The following PRDM10 variants were observed in gnomAD, a reference collection of about 807,000 sequenced individuals.
The protein encoded by PRDM10 is PR/SET domain 10, also known as PR domain zinc finger protein 10.
A neutral mutation model predicts 133.1 loss-of-function variants in PRDM10; 65 were observed. That is an observed-to-expected ratio of 0.49 (90% CI 0.40 to 0.60). The LOEUF (loss-of-function observed/expected upper bound fraction) is 0.60. Ranked by LOEUF, PRDM10 falls within the 20% of genes least tolerant of loss-of-function variation. The pLI, the probability that PRDM10 is intolerant of heterozygous loss-of-function variation, is 0.00. For missense variants in PRDM10, 1,137 were observed against 1,507.1 expected, an observed-to-expected ratio of 0.75 and a Z score of 4.07; for synonymous variants, 582 against 580.4, an observed-to-expected ratio of 1.00 and a Z score of -0.04.
chr11:129,947,413 C>G lies in PRDM10; in HGVS notation c.295-43G>C, dbSNP rs1951456065. 1 of 1,607,632 alleles carries G rather than the reference C, an allele frequency of 6.2e-7. No homozygotes were observed. Among genetic ancestry groups the G allele is most frequent in the Non-Finnish European group, 8.5e-7 (1 of 1,174,704 alleles). On this transcript the variant is annotated intron_variant, in intron 4 of 20. Coordinates refer to ENST00000360871, the MANE Select transcript of PRDM10 (RefSeq NM_199437.2). The surrounding 1 kb of genome is among the most constrained non-coding windows in gnomAD (Gnocchi z 4.6). ...GCACAGAGTAAGCAGACATGGACAC[C>G]TGCTTTTGGTTCGCTGGTGCCTGCT...
At chr11:129,916,044 T>C (rs1950346816) in intron 15 of PRDM10, among the ~76,000 whole-genome samples, 184 bp from the exon 16 acceptor site, 1 of 152,154 alleles carries the variant, frequency 6.6e-6, no homozygotes. Context: ...TAGAATAAAA[T>C]AAGAACATAA....
rs1949813265 is a variant in PRDM10, at chr11:129,900,383, G to A, written c.*1930C>T. On this transcript the variant is annotated 3_prime_UTR_variant, in exon 21 of 21. Coordinates refer to ENST00000360871, the MANE Select transcript of PRDM10 (RefSeq NM_199437.2). ...AGAAGAAGAAGAAGAAGACAACTTA[G>A]AAGGGAAAGCAACAAAGAGGTCCTT... 6.6e-6 allele frequency: 1 copy of A among 150,476 alleles called. No individual in the cohort carries two copies. The highest frequency in any genetic ancestry group is 2.1e-4 in the South Asian group (1 of 4,762). The allele number at this position is 150,476 out of a possible 1,614,324, so 9.3% of individuals were successfully genotyped here.
At chr11:129,948,771 T>C (rs748477383) in intron 4 of PRDM10, among the ~76,000 whole-genome samples, 1 of 152,218 alleles carries the variant, frequency 6.6e-6, no homozygotes, top group Non-Finnish European at 1.5e-5. Flanking sequence ...CCTAATCATC[T>C]TGTTGTCTTC....
chr11:129,953,101 G>A (rs930090251), intron 4 of PRDM10, among the ~76,000 whole-genome samples: 2 of 151,738 alleles, frequency 1.3e-5, no homozygotes, highest in Admixed American at 6.6e-5. Flanking sequence ...AGCCTCCTGA[G>A]TACTCAGCTA....
At chr11:129,925,290 A>G in intron 11 of PRDM10, 61 bp from the exon 12 acceptor site, 1 of 1,427,176 alleles carries the variant, frequency 7.0e-7, no homozygotes, top group Non-Finnish European at 9.5e-7. Context: ...ACTGGATCAC[A>G]CTTTTACAGA....
intron 13 of PRDM10, among the ~76,000 whole-genome samples, chr11:129,922,728 G>C (rs777502158): frequency 2.0e-5 from 3 of 151,890 alleles, no homozygotes; most frequent in Admixed American, 6.6e-5. Context: ...GGTTTTGCTC[G>C]GCTTCTTCTA....
chr11:129,906,983 G>C (rs371818239), intron 19 of PRDM10, among the ~76,000 whole-genome samples: 1 of 75,556 alleles, frequency 1.3e-5, no homozygotes, highest in African/African-American at 7.8e-5. Flanking sequence ...ATTTCAAAAA[G>C]AAAAAGAAAA....
chr11:129,924,588 A>C (rs1410748374), intron 12 of PRDM10, among the ~76,000 whole-genome samples: 4 of 152,254 alleles, frequency 2.6e-5, no homozygotes, highest in Non-Finnish European at 5.9e-5. Flanking sequence ...TATATTTTAT[A>C]AGCAATAGAC....
In PRDM10 at chr11:129,947,990, T is replaced by C; in HGVS notation, c.295-620A>G. On this transcript the variant is annotated intron_variant, in intron 4 of 20. Coordinates refer to ENST00000360871, the MANE Select transcript of PRDM10 (RefSeq NM_199437.2). This position sits in a 1 kb window ranked among gnomAD's most constrained non-coding sequence, Gnocchi z 4.6. The stretch of plus-strand genomic sequence containing the variant: ...ACTAAACACGTCGTGCAACACATGG[T>C]TAACAAAGTTCCATAGCTCACAGCT... 2.2e-6 allele frequency: 1 copy of C among 453,620 alleles called. No homozygotes were observed. The highest frequency in any genetic ancestry group is 4.4e-6 in the Non-Finnish European group (1 of 226,080). 28.1% of individuals were successfully genotyped at this position (453,620 alleles called of 1,614,324 possible).
intron 1 of PRDM10, among the ~76,000 whole-genome samples, chr11:130,002,205 A>G (rs1939448306): frequency 2.7e-5 from 4 of 147,462 alleles, no homozygotes. Context: ...CCGCGCCCGG[A>G]GCGCCCGCGC....
chr11:129,927,170 C>T (rs1950703555), intron 11 of PRDM10, among the ~76,000 whole-genome samples: 1 of 87,862 alleles, frequency 1.1e-5, no homozygotes, highest in Non-Finnish European at 2.0e-5. Flanking sequence ...CAGTGAGACT[C>T]TGTCTCAAAA....
intron 1 of PRDM10, among the ~76,000 whole-genome samples, chr11:130,000,080 G>C (rs561676247): frequency 1.7e-5 from 2 of 118,638 alleles, no homozygotes; most frequent in African/African-American, 6.6e-5. Context: ...TTTCGCTCTT[G>C]TTGCCCAGGC....
intron 4 of PRDM10, among the ~76,000 whole-genome samples, chr11:129,948,278 A>G (rs1402138749): frequency 6.6e-6 from 1 of 152,210 alleles, no homozygotes; most frequent in Non-Finnish European, 1.5e-5. Flanking sequence ...CTCCTGCCCA[A>G]TTAGCACAAG....
At position 129,937,521 on chromosome 11, in the gene PRDM10, A is replaced by AT. The variant is rs1177460801; in HGVS notation, c.1039+76dup. On this transcript the variant is annotated intron_variant, in intron 8 of 20. Transcript: ENST00000360871. ...TGAAATATACTGAGACAAAAAAAAA[A>AT]TTAGAGGTTTCATAAAGATGTGATA... is the stretch of plus-strand genomic sequence containing the variant. 8 of 1,378,510 alleles carry AT rather than the reference A, an allele frequency of 5.8e-6. No homozygotes were observed. The East Asian group carries it at 1.5e-4, about 26-fold the overall frequency. 85.4% of individuals were successfully genotyped at this position (1,378,510 alleles called of 1,614,324 possible).
rs1375755198 is a variant in PRDM10 at position 129,947,412 on chromosome 11, C to T, written c.295-42G>A. The T allele has an allele frequency of 1.1e-5, 18 of 1,607,910 alleles. No individual in the cohort carries two copies. The South Asian group carries it at 1.2e-4, about 11-fold the overall frequency. On this transcript the variant is annotated intron_variant, in intron 4 of 20. Transcript: ENST00000360871. This position sits in a 1 kb window ranked among gnomAD's most constrained non-coding sequence, Gnocchi z 4.6. ...GGCACAGAGTAAGCAGACATGGACA[C>T]CTGCTTTTGGTTCGCTGGTGCCTGC...
At chr11:129,977,058 C>T (rs577402688) in intron 1 of PRDM10, among the ~76,000 whole-genome samples, 19 of 152,186 alleles carry the variant, frequency 1.2e-4, no homozygotes, top group African/African-American at 4.6e-4. Flanking sequence ...CCACGTGACA[C>T]AGCCAAGGTG....
In PRDM10 at chr11:129,913,499, T is replaced by A. The variant is rs531637333; in HGVS notation, c.2841+1205A>T. ...CAAAAATTTCAGTTACATTTAATGA[T>A]CTACCCTTTATCAATTAAAAGAGAT... is the stretch of plus-strand genomic sequence containing the variant. On this transcript the variant is annotated intron_variant, in intron 17 of 20. Coordinates refer to ENST00000360871, the MANE Select transcript of PRDM10 (RefSeq NM_199437.2). Among the ~76,000 whole-genome samples, 3 of 152,338 alleles carry A rather than the reference T, an allele frequency of 2.0e-5. No individual in the cohort carries two copies. The East Asian group carries it at 5.8e-4, about 29-fold the overall frequency.
intron 1 of PRDM10, among the ~76,000 whole-genome samples, chr11:129,974,692 C>T (rs547339302): frequency 3.3e-5 from 5 of 152,244 alleles, no homozygotes; most frequent in African/African-American, 1.2e-4. Flanking sequence ...ACTTGCTGGG[C>T]GCCCACCATT....
intron 1 of PRDM10, among the ~76,000 whole-genome samples, chr11:129,990,875 CAGAT>C (rs1407953366): frequency 6.6e-6 from 1 of 152,104 alleles, no homozygotes; most frequent in Non-Finnish European, 1.5e-5. Context: ...ACAGTGAGCT[CAGAT>C]AGACAACATA....
Sources: allele counts gnomAD v4.1 joint callset (sites outside exome capture counted in the v4.1 genomes callset), GRCh38; gene constraint gnomAD v4.1.1; non-coding constraint Gnocchi (gnomAD v3.1); transcripts MANE v1.5; gene names NCBI Gene and HGNC (gene_info 2026-07-23, HGNC 2026-07-21).